Variants in FHIT observed in about 807,000 individuals in gnomAD.
FHIT encodes bis(5'-adenosyl)-triphosphatase.
In FHIT, 19 loss-of-function variants were observed where a neutral mutation model predicts 17.9. The ratio of observed to expected loss-of-function variants is 1.06; its 90% confidence interval spans 0.74 to 1.56. The LOEUF (loss-of-function observed/expected upper bound fraction) is 1.56. FHIT is among the 40% of genes most tolerant of loss of function. The pLI, the probability that FHIT is intolerant of heterozygous loss-of-function variation, is 0.00. For missense variants in FHIT, 248 were observed against 189.2 expected, an observed-to-expected ratio of 1.31 and a Z score of -1.82; for synonymous variants, 81 against 69.7, an observed-to-expected ratio of 1.16 and a Z score of -0.81.
intron 5 of FHIT, among the ~76,000 whole-genome samples, chr3:60,152,798 A>G (rs914310821): frequency 6.6e-6 from 1 of 152,104 alleles, no homozygotes; most frequent in Non-Finnish European, 1.5e-5. Flanking sequence ...TGCCCATATA[A>G]GTTATTATAA....
At chr3:60,071,804 T>C (rs1020146385) in intron 5 of FHIT, among the ~76,000 whole-genome samples, 1 of 152,222 alleles carries the variant, frequency 6.6e-6, no homozygotes, top group Non-Finnish European at 1.5e-5. Context: ...GAGAGGTAAT[T>C]GACCCATGGG....
intron 4 of FHIT, among the ~76,000 whole-genome samples, chr3:60,710,791 C>T (rs189064357): frequency 9.8e-5 from 15 of 152,320 alleles, no homozygotes; most frequent in African/African-American, 3.6e-4. Context: ...GGGTGGAGCC[C>T]ATCACAGATC....
At chr3:60,818,640 A>T (rs892507906) in intron 4 of FHIT, among the ~76,000 whole-genome samples, 1 of 152,160 alleles carries the variant, frequency 6.6e-6, no homozygotes, top group African/African-American at 2.4e-5. Context: ...CATCTCTGGT[A>T]ACTCTTTTTG....
At chr3:60,791,949 G>A (rs1553728633) in intron 4 of FHIT, among the ~76,000 whole-genome samples, 1 of 152,214 alleles carries the variant, frequency 6.6e-6, no homozygotes, top group Non-Finnish European at 1.5e-5. Context: ...ATATTCAATT[G>A]TATACACACC....
chr3:59,997,583 A>C (rs903013236), intron 7 of FHIT, among the ~76,000 whole-genome samples: 5 of 152,288 alleles, frequency 3.3e-5, no homozygotes, highest in Admixed American at 6.5e-5. Context: ...ATTGTCCTAA[A>C]ATACAAAGAA....
intron 1 of FHIT, among the ~76,000 whole-genome samples, chr3:61,201,971 T>C (rs2039028763): frequency 6.6e-6 from 1 of 152,138 alleles, no homozygotes; most frequent in Admixed American, 6.5e-5. Flanking sequence ...TATGTGTGTG[T>C]ATGTATATAC....
intron 3 of FHIT, among the ~76,000 whole-genome samples, chr3:61,030,470 G>C (rs764869874): frequency 6.6e-6 from 1 of 152,166 alleles, no homozygotes; most frequent in Non-Finnish European, 1.5e-5. Context: ...GGATTTATTT[G>C]CACTAACCAC....
chr3:59,798,249 G>A (rs1000502072), intron 8 of FHIT, among the ~76,000 whole-genome samples: 2 of 152,286 alleles, frequency 1.3e-5, no homozygotes, highest in African/African-American at 2.4e-5. Flanking sequence ...GCCCAGCAAT[G>A]TTTTATCACC....
intron 5 of FHIT, among the ~76,000 whole-genome samples, chr3:60,438,269 G>T (rs1047708407): frequency 5.3e-5 from 8 of 151,912 alleles, no homozygotes; most frequent in Non-Finnish European, 1.0e-4. Context: ...CACACCGATG[G>T]GTGGAGATTT....
chr3:61,084,201 T>A (rs1235483938), intron 2 of FHIT, among the ~76,000 whole-genome samples: 2 of 152,238 alleles, frequency 1.3e-5, no homozygotes, highest in African/African-American at 2.4e-5. Context: ...AGTGTCATCT[T>A]TCTCAAAATT....
intron 5 of FHIT, among the ~76,000 whole-genome samples, chr3:60,527,912 C>G (rs1351880812): frequency 2.0e-5 from 3 of 152,236 alleles, no homozygotes; most frequent in African/African-American, 4.8e-5. Context: ...CTCCCATGAA[C>G]TAGAGCCACC....
intron 5 of FHIT, among the ~76,000 whole-genome samples, chr3:60,394,768 T>C (rs764764284): frequency 3.3e-5 from 5 of 152,334 alleles, no homozygotes; most frequent in African/African-American, 7.2e-5. Flanking sequence ...GAACATTAAC[T>C]GTGCTGCTGT....
chr3:60,118,138 G>C (rs900519200), intron 5 of FHIT, among the ~76,000 whole-genome samples: 2 of 152,058 alleles, frequency 1.3e-5, no homozygotes, highest in Non-Finnish European at 2.9e-5. Flanking sequence ...ACAGGGTCTT[G>C]TTCTGTTGCC....
intron 5 of FHIT, among the ~76,000 whole-genome samples, chr3:60,273,531 C>T (rs1377697632): frequency 1.3e-4 from 20 of 152,056 alleles, no homozygotes; most frequent in Non-Finnish European, 7.4e-5. Flanking sequence ...ATTGCTTGAA[C>T]TTGGGAGGCA....
At chr3:60,533,942 T>C (rs1172027531) in intron 5 of FHIT, among the ~76,000 whole-genome samples, 1 of 152,026 alleles carries the variant, frequency 6.6e-6, no homozygotes, top group Non-Finnish European at 1.5e-5. Context: ...ACAGCATAAA[T>C]CTAGATGAAC....
chr3:60,355,824 T>C (rs1699630836), intron 5 of FHIT, among the ~76,000 whole-genome samples: 1 of 152,190 alleles, frequency 6.6e-6, no homozygotes, highest in Admixed American at 6.5e-5. Context: ...GTACCTCCTT[T>C]GTCTAGTATT....
intron 8 of FHIT, among the ~76,000 whole-genome samples, chr3:59,816,497 G>A (rs1339727661): frequency 4.6e-5 from 7 of 152,172 alleles, no homozygotes. Context: ...AGGTGTGACA[G>A]AGAATCCTGA....
At chr3:60,158,077 T>C (rs1415181288) in intron 5 of FHIT, among the ~76,000 whole-genome samples, 1 of 152,160 alleles carries the variant, frequency 6.6e-6, no homozygotes, top group Non-Finnish European at 1.5e-5. Flanking sequence ...TTTGAATCTT[T>C]GGCAAGACAG....
At chr3:60,743,738 G>A (rs2042284424) in intron 4 of FHIT, among the ~76,000 whole-genome samples, 1 of 152,164 alleles carries the variant, frequency 6.6e-6, no homozygotes, top group Non-Finnish European at 1.5e-5. Context: ...CACATGATGA[G>A]GGGCCTGGAG....
Sources: gnomAD v4.1 joint callset for allele counts (sites outside exome capture counted in the v4.1 genomes callset) on GRCh38, gnomAD v4.1.1 for gene constraint, MANE v1.5 for transcripts, NCBI Gene and HGNC (gene_info 2026-07-23, HGNC 2026-07-21) for gene names.